Variants in FMO1 observed in about 807,000 individuals in gnomAD.
FMO1 encodes the protein flavin containing dimethylaniline monoxygenase 1.
Under a neutral mutation model 45.4 loss-of-function variants are expected in FMO1, and 36 were observed. The observed-to-expected ratio is 0.79, with a 90% CI of 0.61 to 1.05. The LOEUF (loss-of-function observed/expected upper bound fraction) is 1.05, where lower values mean the gene tolerates loss of function less well. Among genes scored for constraint, FMO1 ranks in the 50% least tolerant of loss-of-function variants. The pLI is 0.00. For synonymous variants in FMO1, 228 were observed against 227.2 expected (o/e 1.00, Z -0.03); for missense variants, 615 against 640.3 (o/e 0.96, Z 0.43).
chr1:171,252,545 G>T (rs924281758), intron 1 of FMO1, among the ~76,000 whole-genome samples: 1 of 152,236 alleles, frequency 6.6e-6, no homozygotes, highest in Non-Finnish European at 1.5e-5. Flanking sequence ...CTGTCCCTGA[G>T]CCCTGTGCTC....
chr1:171,268,005 A>G (rs991545076), intron 3 of FMO1, among the ~76,000 whole-genome samples: 1 of 152,184 alleles, frequency 6.6e-6, no homozygotes, highest in African/African-American at 2.4e-5. Context: ...ATCAAGCCAC[A>G]TTTTCAGCTT....
Position 171,283,310 on chromosome 1 carries a change from G to GAA in FMO1, c.1256+102_1256+103dup, listed in dbSNP as rs28360426. ...AAAAAAAAAAAAAGGAAATGAAAAA[G>GAA]AAAAAAAAACAATAGCAGAGAGATG... On this transcript the variant is annotated intron_variant, in intron 8 of 8. Transcript: ENST00000617670. The GAA allele has an allele frequency of 9.9e-4, 334 of 337,230 alleles. 2 individuals carry two copies. Among genetic ancestry groups the GAA allele is most frequent in the African/African-American group, 9.0e-3 (229 of 25,496 alleles). 20.9% of individuals were successfully genotyped at this position (337,230 alleles called of 1,614,324 possible).
chr1:171,262,835 C>T (rs1660432404), intron 2 of FMO1, among the ~76,000 whole-genome samples: 1 of 152,172 alleles, frequency 6.6e-6, no homozygotes, highest in African/African-American at 2.4e-5. Flanking sequence ...CCACAGCTCT[C>T]CTGCGATATA....
At chr1:171,271,481 G>A in intron 3 of FMO1, 1 of 954,800 alleles carries the variant, frequency 1.0e-6, no homozygotes, top group East Asian at 2.4e-5. Context: ...CTGAGAAGTT[G>A]ACTGAAGCAT....
chr1:171,249,685 G>A (rs1659793902), intron 1 of FMO1, among the ~76,000 whole-genome samples: 1 of 146,796 alleles, frequency 6.8e-6, no homozygotes, highest in African/African-American at 2.5e-5. Context: ...TAAGGTGTAG[G>A]AGTGTGTGTG....
At chr1:171,267,783 C>T (rs748517871) in intron 3 of FMO1, 52 bp downstream of exon 3, 3 of 1,392,332 alleles carry the variant, frequency 2.2e-6, no homozygotes, top group East Asian at 2.3e-5. Context: ...TACCTATTTT[C>T]TCTTATCTCT....
At chr1:171,263,859 C>T (rs1408653870) in intron 2 of FMO1, among the ~76,000 whole-genome samples, 1 of 152,224 alleles carries the variant, frequency 6.6e-6, no homozygotes, top group Admixed American at 6.5e-5. Context: ...GCAGATTGCA[C>T]AGTGAGGCGA....
chr1:171,258,082 G>C lies in FMO1; in HGVS notation c.-6G>C. 1.2e-6 allele frequency: 2 copies of C among 1,614,096 alleles called. No individual in the cohort carries two copies. The highest frequency in any genetic ancestry group is 2.2e-5 in the South Asian group (2 of 91,082). On this transcript the variant is annotated splice_region_variant and 5_prime_UTR_variant, in exon 2 of 9. Transcript: ENST00000617670. ...AGCCTGCTTCATCTTCCTCATGCAGGAGAACATGGCCAAGCGAGTTGCCAT... is the reference window on the plus strand; with the variant it reads ...AGCCTGCTTCATCTTCCTCATGCAGCAGAACATGGCCAAGCGAGTTGCCAT...
intron 6 of FMO1, among the ~76,000 whole-genome samples, 177 bp from the exon 7 acceptor site, chr1:171,281,801 T>C (rs184323872): frequency 1.3e-5 from 2 of 152,276 alleles, no homozygotes; most frequent in East Asian, 3.9e-4. Flanking sequence ...GCATATTTTA[T>C]AATCCTTCCT....
At chr1:171,281,875 A>T in intron 6 of FMO1, 103 bp from the exon 7 acceptor site, 1 of 647,096 alleles carries the variant, frequency 1.5e-6, no homozygotes, top group Non-Finnish European at 2.6e-6. Context: ...ATTCTTGTCC[A>T]ACCAAGGAGA....
intron 2 of FMO1, among the ~76,000 whole-genome samples, chr1:171,267,252 C>A (rs28360380): frequency 6.6e-6 from 1 of 152,124 alleles, no homozygotes; most frequent in African/African-American, 2.4e-5. Flanking sequence ...ATATTTAGAA[C>A]GTTCAGTAGA....
chr1:171,282,307 C>T lies in FMO1; in HGVS notation c.1157C>T (p.Ala386Val), dbSNP rs1271399176. Residue 386 changes from alanine (A) to valine (V), a missense_variant, in exon 7 of 9, where the codon GCT (alanine) becomes GTT (valine). Transcript: ENST00000617670. ...GSMIPTGETQ[A>V]RWAVRVLKGV... ...ATGATACCTACAGGAGAAACACAAG[C>T]TCGGTGGGCTGTTCGAGTCCTGAAA... The T allele has an allele frequency of 1.2e-6, 2 of 1,611,586 alleles. No homozygotes were observed. Among genetic ancestry groups the T allele is most frequent in the Non-Finnish European group, 1.7e-6 (2 of 1,178,352 alleles).
At chr1:171,273,123 G>A (rs1055868839) in intron 3 of FMO1, among the ~76,000 whole-genome samples, 10 of 152,140 alleles carry the variant, frequency 6.6e-5, no homozygotes, top group Non-Finnish European at 1.5e-4. Context: ...AAGATCTGAT[G>A]GTTTTATAAG....
At chr1:171,281,688 T>C (rs996937642) in intron 6 of FMO1, among the ~76,000 whole-genome samples, 3 of 152,194 alleles carry the variant, frequency 2.0e-5, no homozygotes, top group Non-Finnish European at 4.4e-5. Context: ...AGCCCCACTC[T>C]AGAATGACAG....
chr1:171,281,940 C>A, intron 6 of FMO1, 38 bp from the exon 7 acceptor site: 4 of 1,263,816 alleles, frequency 3.2e-6, no homozygotes, highest in South Asian at 2.7e-5. Flanking sequence ...CTGAATTGTT[C>A]ACTGACAAGT....
rs568570983 is a variant in FMO1, at chr1:171,252,402, C to A, written c.-7+3779C>A. 3.3e-5 allele frequency among the ~76,000 whole-genome samples: 5 copies of A among 152,310 alleles called. No homozygotes were observed. In the East Asian group the frequency reaches 5.8e-4, roughly 18 times the overall value. ...GGGGTGCCTATTGGCATCCTCTCCC[C>A]CTGTGCTTACTAATACAGTCCCTTC... On this transcript the variant is annotated intron_variant, in intron 1 of 8. Coordinates refer to ENST00000617670, the MANE Select transcript of FMO1 (RefSeq NM_001282693.2).
intron 1 of FMO1, chr1:171,254,167 C>G (rs1314744600): frequency 6.6e-6 from 1 of 152,132 alleles, no homozygotes; most frequent in Non-Finnish European, 1.5e-5. Flanking sequence ...TGGCTCACTG[C>G]AACCTCCACT....
rs776028871 is a variant in FMO1, at chr1:171,282,092, C to T, written c.942C>T (p.Asn314=). 5.6e-6 allele frequency: 9 copies of T among 1,613,772 alleles called. No individual in the cohort carries two copies. The South Asian group carries it at 9.9e-5, about 18-fold the overall frequency. The change falls in exon 7 of 9, where the codon AAC becomes AAT. Residue 314 remains asparagine, a synonymous_variant. Transcript: ENST00000617670. ...KEVKENSVIF[N]NTSKEEPIDI... ...TAAAGGAAAACTCTGTCATATTTAA[C>T]AATACTTCAAAGGAAGAGCCTATTG...
intron 8 of FMO1, among the ~76,000 whole-genome samples, chr1:171,284,188 CAAAAAA>C (rs577657589): frequency 0.024 from 2,369 of 99,340 alleles, 78 homozygotes; most frequent in African/African-American, 0.14. Flanking sequence ...AAAAAAAAAA[CAAAAAA>C]CAGCAAGTTT....
Sources: gnomAD v4.1 joint callset for allele counts (sites outside exome capture counted in the v4.1 genomes callset) on GRCh38, gnomAD v4.1.1 for gene constraint, MANE v1.5 for transcripts, NCBI Gene and HGNC (gene_info 2026-07-23, HGNC 2026-07-21) for gene names.